Variants in PER3 observed in about 807,000 individuals in gnomAD.
The protein encoded by PER3 is period circadian protein homolog 3.
In PER3, 107 loss-of-function variants were observed where a neutral mutation model predicts 127.2. That is an observed-to-expected ratio of 0.84 (90% CI 0.72 to 0.99). The LOEUF (loss-of-function observed/expected upper bound fraction) is 0.99. Among genes scored for constraint, PER3 ranks in the 50% least tolerant of loss-of-function variants. The pLI, the probability that PER3 is intolerant of heterozygous loss-of-function variation, is 0.00. For missense variants in PER3, 1,560 were observed against 1,525.8 expected, an observed-to-expected ratio of 1.02 and a Z score of -0.37; for synonymous variants, 618 against 585.8, an observed-to-expected ratio of 1.05 and a Z score of -0.79.
rs781255172 is a variant in PER3, at chr1:7,827,572, G to A, written c.2643G>A (p.Ala881=). ...TTTTGCCATGTCCATTCCTGGGGGC[G>A]ACAGCCTCTTCTGCGATATCACCCT... ...PSFLPCPFLG[A]TASSAISPSM... Residue 881 remains alanine, a synonymous_variant, in exon 18 of 22, where the codon GCG becomes GCA. Coordinates refer to ENST00000377532, the MANE Select transcript of PER3 (RefSeq NM_001377275.1). 1.9e-6 allele frequency: 3 copies of A among 1,614,116 alleles called. No homozygotes were observed. The highest frequency in any genetic ancestry group is 1.7e-6 in the Non-Finnish European group (2 of 1,180,012).
chr1:7,828,486 T>G (rs2097313502), intron 18 of PER3, among the ~76,000 whole-genome samples: 1 of 152,254 alleles, frequency 6.6e-6, no homozygotes, highest in Non-Finnish European at 1.5e-5. Context: ...AGTGTGAATA[T>G]TTACACAGAT....
chr1:7,822,011 C>A (rs1350757472), intron 16 of PER3, among the ~76,000 whole-genome samples: 3 of 152,160 alleles, frequency 2.0e-5, no homozygotes, highest in African/African-American at 7.2e-5. Flanking sequence ...CCCAATATGA[C>A]ACAGCCCATG....
At chr1:7,837,992 G>A (rs2097366144) in intron 21 of PER3, among the ~76,000 whole-genome samples, 1 of 152,128 alleles carries the variant, frequency 6.6e-6, no homozygotes, top group South Asian at 2.1e-4. Flanking sequence ...TTGAGCCTGG[G>A]AAATTGAGGC....
At position 7,820,497 on chromosome 1, in the gene PER3, C is replaced by T; in HGVS notation, c.1814C>T (p.Ser605Leu). Residue 605 changes from serine (S) to leucine (L), a missense_variant, in exon 16 of 22, where the codon TCA becomes TTA. Ser to Leu is a moderately radical substitution (Grantham distance 145). Coordinates refer to ENST00000377532, the MANE Select transcript of PER3 (RefSeq NM_001377275.1). The part of the protein sequence containing the change: ...AGLQIPAIPK[S>L]EMPTNGRSID... Reference sequence around the variant, plus strand: ...TTGCAAATCCCAGCCATACCTAAATCAGAAATGCCAACAAATGGACGGTCC... The same window carrying T: ...TTGCAAATCCCAGCCATACCTAAATTAGAAATGCCAACAAATGGACGGTCC... 1 of 1,613,400 alleles carries T rather than the reference C, an allele frequency of 6.2e-7. No individual in the cohort carries two copies. Among genetic ancestry groups the T allele is most frequent in the South Asian group, 1.1e-5 (1 of 90,854 alleles).
intron 7 of PER3, among the ~76,000 whole-genome samples, chr1:7,800,270 C>T (rs961697618): frequency 9.3e-5 from 14 of 151,046 alleles, no homozygotes; most frequent in Admixed American, 5.9e-4. Context: ...GCAGTGGGCA[C>T]GATCTCAGCT....
chr1:7,803,215 C>G, intron 9 of PER3, 62 bp downstream of exon 9: 1 of 1,024,824 alleles, frequency 9.8e-7, no homozygotes. Context: ...TCTAATTTTT[C>G]TTTTCATCTC....
chr1:7,811,363 T>G (rs545482534), intron 13 of PER3: 3 of 152,284 alleles, frequency 2.0e-5, no homozygotes, highest in East Asian at 3.9e-4. Context: ...TTGACATGAT[T>G]TACACCACAG....
Position 7,788,176 on chromosome 1 carries a change from A to G in PER3, c.522A>G (p.Gln174=). The G allele has an allele frequency of 1.2e-6, 2 of 1,613,920 alleles. No homozygotes were observed. The highest frequency in any genetic ancestry group is 2.7e-5 in the African/African-American group (2 of 75,008). ...SSHFVDLLAP[Q]DMRVFYAHTA... is the part of the protein sequence containing the mutation. Reference sequence around the variant, plus strand: ...ACTTTGTTGACCTGCTTGCACCTCAAGACATGAGGGTATTCTACGCGCACA... The same window carrying G: ...ACTTTGTTGACCTGCTTGCACCTCAGGACATGAGGGTATTCTACGCGCACA... Residue 174 remains glutamine (Q), a synonymous_variant, in exon 5 of 22, where the codon CAA becomes CAG. Transcript: ENST00000377532.
intron 19 of PER3, among the ~76,000 whole-genome samples, chr1:7,834,119 CAT>C (rs1279909759): frequency 3.9e-5 from 6 of 152,082 alleles, no homozygotes; most frequent in African/African-American, 1.2e-4. Flanking sequence ...GGAGTTTCAC[CAT>C]GTCAGCCAGA....
chr1:7,831,149 T>C (rs2097329844), intron 19 of PER3, among the ~76,000 whole-genome samples: 1 of 152,240 alleles, frequency 6.6e-6, no homozygotes, highest in Non-Finnish European at 1.5e-5. Context: ...CAGGGTTTTA[T>C]AGTTTTCAGC....
At chr1:7,801,832 C>T (rs181235636) in intron 8 of PER3, among the ~76,000 whole-genome samples, 50 of 151,976 alleles carry the variant, frequency 3.3e-4, no homozygotes, top group Non-Finnish European at 5.9e-4. Context: ...GCATTTTTTC[C>T]CCACATTTAT....
intron 18 of PER3, 28 bp downstream of exon 18, chr1:7,827,843 A>C: frequency 6.6e-7 from 1 of 1,517,388 alleles, no homozygotes; most frequent in South Asian, 1.2e-5. Flanking sequence ...TCAACACTCA[A>C]GTGAGAAAGT....
At chr1:7,835,714 A>G in intron 19 of PER3, 48 bp from the exon 20 acceptor site, 2 of 1,370,036 alleles carry the variant, frequency 1.5e-6, no homozygotes, top group Non-Finnish European at 2.0e-6. Flanking sequence ...AGTTTGGCAA[A>G]TCAGTCGGAC....
At chr1:7,815,701 T>C (rs2097245261) in intron 13 of PER3, among the ~76,000 whole-genome samples, 1 of 152,038 alleles carries the variant, frequency 6.6e-6, no homozygotes. Context: ...TAAAAACATT[T>C]TGGGCCGGGC....
At chr1:7,806,795 T>TAAAAAAAAAAAAAA (rs71567316) in intron 10 of PER3, among the ~76,000 whole-genome samples, 6 of 91,900 alleles carry the variant, frequency 6.5e-5, no homozygotes, top group East Asian at 5.4e-4. Context: ...CCCTGTCTCT[T>TAAAAAAAAAAAAAA]AAAAAAAAAA....
In PER3 at chr1:7,843,051, A is replaced by G. The variant is rs1412798780; in HGVS notation, c.*296A>G. 1 of 178,540 alleles carries G rather than the reference A, an allele frequency of 5.6e-6. No individual in the cohort carries two copies. The highest frequency in any genetic ancestry group is 1.2e-5 in the Non-Finnish European group (1 of 84,708). The allele number at this position is 178,540 out of a possible 1,614,324, so 11.1% of individuals were successfully genotyped here. On this transcript the variant is annotated 3_prime_UTR_variant, in exon 22 of 22. Coordinates refer to ENST00000377532, the MANE Select transcript of PER3 (RefSeq NM_001377275.1). ...TGTATCTTTATTTCAGATGTCACCC[A>G]GAGTAAATTATAATTAGAAGTATAG...
chr1:7,842,541 A>T, intron 21 of PER3, 131 bp from the exon 22 acceptor site: 1 of 863,508 alleles, frequency 1.2e-6, no homozygotes, highest in Non-Finnish European at 1.6e-6. Flanking sequence ...ATAAAGAATG[A>T]ACTATAATGA....
rs12563806 is a variant in PER3 at position 7,841,578 on chromosome 1, A to G, written c.3550-1094A>G. Among the ~76,000 whole-genome samples, 32 of 152,312 alleles carry G rather than the reference A, an allele frequency of 2.1e-4. No homozygotes were observed. The East Asian group carries it at 5.6e-3, about 27-fold the overall frequency. ...ATTTCCTAGAAAGTTGCAGGCGTTC[A>G]GATAGACTCGAGTTCCAAATAGTTA... On this transcript the variant is annotated intron_variant, in intron 21 of 21. Transcript: ENST00000377532.
At chr1:7,842,152 C>A (rs1211427518) in intron 21 of PER3, among the ~76,000 whole-genome samples, 2 of 152,158 alleles carry the variant, frequency 1.3e-5, no homozygotes, top group African/African-American at 2.4e-5. Flanking sequence ...CTGTTTTTGA[C>A]CGAAACGTCA....
Sources: gnomAD v4.1 joint callset for allele counts (sites outside exome capture counted in the v4.1 genomes callset) on GRCh38, gnomAD v4.1.1 for gene constraint, MANE v1.5 for transcripts, NCBI Gene and HGNC (gene_info 2026-07-23, HGNC 2026-07-21) for gene names.